Variants in CTNNA2 observed in about 807,000 individuals in gnomAD.
The protein encoded by CTNNA2 is catenin alpha-2.
A neutral mutation model predicts 101.0 loss-of-function variants in CTNNA2; 42 were observed. The ratio of observed to expected loss-of-function variants is 0.42; its 90% CI spans 0.32 to 0.54. The LOEUF is 0.54. Ranked by LOEUF, CTNNA2 falls within the 20% of genes least tolerant of loss-of-function variation. The pLI is 0.14. For missense variants in CTNNA2, 871 were observed against 1,223.1 expected, an observed-to-expected ratio of 0.71 and a Z score of 4.29; for synonymous variants, 450 against 456.4, an observed-to-expected ratio of 0.99 and a Z score of 0.18.
intron 7 of CTNNA2, among the ~76,000 whole-genome samples, chr2:80,201,185 T>A (rs575491259): frequency 6.6e-6 from 1 of 151,984 alleles, no homozygotes; most frequent in Non-Finnish European, 1.5e-5. Context: ...ATTATTGTAT[T>A]GTTATTTTTA....
At chr2:80,159,096 A>T (rs1299538400) in intron 7 of CTNNA2, among the ~76,000 whole-genome samples, 1 of 152,168 alleles carries the variant, frequency 6.6e-6, no homozygotes, top group African/African-American at 2.4e-5. Context: ...GCCACGAAAA[A>T]TATGTGTATC....
intron 2 of CTNNA2, among the ~76,000 whole-genome samples, chr2:79,199,295 A>G (rs958612101): frequency 6.6e-6 from 1 of 152,144 alleles, no homozygotes; most frequent in African/African-American, 2.4e-5. Context: ...TTGCTTGTTT[A>G]GGTAAATGCA....
chr2:80,522,337 T>C (rs950195443), intron 9 of CTNNA2, among the ~76,000 whole-genome samples: 5 of 152,144 alleles, frequency 3.3e-5, no homozygotes, highest in Non-Finnish European at 5.9e-5. Context: ...GTTTGAGCAA[T>C]AAAGTTGGAG....
chr2:80,558,743 G>T (rs1186218724), intron 12 of CTNNA2, among the ~76,000 whole-genome samples: 2 of 152,020 alleles, frequency 1.3e-5, no homozygotes, highest in African/African-American at 4.8e-5. Flanking sequence ...TGGGAAAAAA[G>T]GGAAAAATGC....
intron 2 of CTNNA2, among the ~76,000 whole-genome samples, chr2:79,668,796 A>G (rs1016926125): frequency 3.3e-5 from 5 of 152,248 alleles, no homozygotes; most frequent in African/African-American, 1.2e-4. Context: ...TTTTTAGAAC[A>G]TAAGACATAG....
At chr2:79,377,377 C>T (rs1279397451) in intron 4 of CTNNA2, among the ~76,000 whole-genome samples, 1 of 152,076 alleles carries the variant, frequency 6.6e-6, no homozygotes, top group African/African-American at 2.4e-5. Context: ...TGACTAAATC[C>T]CCAAATGATA....
At chr2:79,921,137 C>T (rs1014076508) in intron 7 of CTNNA2, among the ~76,000 whole-genome samples, 3 of 152,114 alleles carry the variant, frequency 2.0e-5, no homozygotes, top group African/African-American at 7.2e-5. Context: ...GAGTCCCAGC[C>T]CCACCTACAG....
chr2:79,762,490 T>C (rs974303953), intron 3 of CTNNA2, among the ~76,000 whole-genome samples: 2 of 152,178 alleles, frequency 1.3e-5, no homozygotes, highest in South Asian at 4.1e-4. Flanking sequence ...GTAGATTTTA[T>C]GATTTTTTAT....
At chr2:80,645,639 T>C (rs1017887423) in intron 18 of CTNNA2, among the ~76,000 whole-genome samples, 1 of 152,144 alleles carries the variant, frequency 6.6e-6, no homozygotes, top group Non-Finnish European at 1.5e-5. Context: ...GTGATGCTGA[T>C]GCTGTTGCAC....
Position 80,386,045 on chromosome 2 carries a change from G to A in CTNNA2, c.1057-7166G>A, listed in dbSNP as rs1018447009. Among the ~76,000 whole-genome samples the A allele has an allele frequency of 1.5e-4, 23 of 151,706 alleles. 1 individual carries two copies. Among genetic ancestry groups the A allele is most frequent in the South Asian group, 6.3e-4 (3 of 4,786 alleles). On this transcript the variant is annotated intron_variant, in intron 7 of 18. Coordinates refer to ENST00000402739, the MANE Select transcript of CTNNA2 (RefSeq NM_001282597.3). ...TCTCTCTGAGCCAGTCCTGCTTTGCGCATTGTCCAAGGCATATCCTGATAT... is the reference window on the plus strand; with the variant it reads ...TCTCTCTGAGCCAGTCCTGCTTTGCACATTGTCCAAGGCATATCCTGATAT...
chr2:79,227,462 A>G (rs1674434940), intron 2 of CTNNA2, among the ~76,000 whole-genome samples: 1 of 152,190 alleles, frequency 6.6e-6, no homozygotes, highest in Non-Finnish European at 1.5e-5. Context: ...ATGAGATAAT[A>G]TGCGTGAAAG....
intron 7 of CTNNA2, among the ~76,000 whole-genome samples, chr2:80,235,333 C>T (rs1573472293): frequency 6.6e-6 from 1 of 152,304 alleles, no homozygotes; most frequent in East Asian, 1.9e-4. Context: ...GAGCCTGACA[C>T]TGTACTAAAC....
rs544568131 is a variant in CTNNA2 at position 80,053,533 on chromosome 2, T to C, written c.1056+143736T>C. 2.6e-5 allele frequency among the ~76,000 whole-genome samples: 4 copies of C among 152,352 alleles called. No homozygotes were observed. In the East Asian group the frequency reaches 7.7e-4, roughly 29 times the overall value. On this transcript the variant is annotated intron_variant, in intron 7 of 18. Transcript: ENST00000402739. ...TTTCTCCAGACTAAGTGACATGGAC[T>C]ATGGACTAATGACGCCTTTCGTTAT...
intron 7 of CTNNA2, among the ~76,000 whole-genome samples, chr2:79,930,350 AAGAAAGAAT>A (rs1687356066): frequency 2.4e-5 from 2 of 84,656 alleles, no homozygotes; most frequent in African/African-American, 7.7e-5. Context: ...GAAAGAAAGA[AAGAAAGAAT>A]GAACACGGGT....
At chr2:80,623,527 G>T (rs1406607959) in intron 18 of CTNNA2, among the ~76,000 whole-genome samples, 5 of 151,904 alleles carry the variant, frequency 3.3e-5, no homozygotes, top group Non-Finnish European at 7.4e-5. Context: ...ATGGAGAAAA[G>T]TAAAAGATGT....
At chr2:79,389,296 T>G (rs1678140615) in intron 4 of CTNNA2, among the ~76,000 whole-genome samples, 1 of 152,070 alleles carries the variant, frequency 6.6e-6, no homozygotes. Flanking sequence ...TAACAAAAAT[T>G]TGATTGATCT....
At chr2:79,219,445 A>C (rs1674313425) in intron 2 of CTNNA2, among the ~76,000 whole-genome samples, 1 of 152,144 alleles carries the variant, frequency 6.6e-6, no homozygotes, top group South Asian at 2.1e-4. Context: ...CTGAGGAATT[A>C]ATTCTTTTTA....
chr2:80,215,851 C>G (rs1708233712), intron 7 of CTNNA2, among the ~76,000 whole-genome samples: 1 of 152,196 alleles, frequency 6.6e-6, no homozygotes, highest in African/African-American at 2.4e-5. Context: ...CTATGCCCTG[C>G]CCCCAGAGGT....
chr2:79,580,020 A>C (rs1432668751), intron 1 of CTNNA2, among the ~76,000 whole-genome samples: 1 of 152,118 alleles, frequency 6.6e-6, no homozygotes, highest in East Asian at 1.9e-4. Flanking sequence ...GGATGTTACC[A>C]CAGACCTCTT....
Sources: gnomAD v4.1 joint callset for allele counts (sites outside exome capture counted in the v4.1 genomes callset) on GRCh38, gnomAD v4.1.1 for gene constraint, MANE v1.5 for transcripts, NCBI Gene and HGNC (gene_info 2026-07-23, HGNC 2026-07-21) for gene names.